Variants in DOCK1 observed in about 807,000 individuals in gnomAD.
DOCK1 encodes the protein dedicator of cytokinesis 1.
In DOCK1, 138 loss-of-function variants were observed where a neutral mutation model predicts 262.7. That is an observed-to-expected ratio of 0.53 (90% CI 0.46 to 0.61). The LOEUF is 0.61. DOCK1 is among the 20% of genes least tolerant of loss of function. The probability of loss-of-function intolerance (pLI) is 0.00; values close to 1 mark genes in which losing one functional copy is unlikely to be tolerated. For synonymous variants in DOCK1, 866 were observed against 867.4 expected (o/e 1.00, Z 0.03); for missense variants, 1,908 against 2,370.7 (o/e 0.80, Z 4.05).
intron 1 of DOCK1, among the ~76,000 whole-genome samples, chr10:126,946,411 G>T (rs2035408578): frequency 6.6e-6 from 1 of 152,124 alleles, no homozygotes; most frequent in Non-Finnish European, 1.5e-5. Flanking sequence ...GCTGGATGTG[G>T]TGGCGGGCAC....
chr10:127,087,142 G>T (rs1207467167), intron 23 of DOCK1, among the ~76,000 whole-genome samples: 2 of 152,146 alleles, frequency 1.3e-5, no homozygotes, highest in Admixed American at 6.5e-5. Context: ...AGAGCACCAG[G>T]TTTATTAAAT....
chr10:126,932,620 C>T (rs1221536087), intron 1 of DOCK1, among the ~76,000 whole-genome samples: 1 of 152,096 alleles, frequency 6.6e-6, no homozygotes, highest in Non-Finnish European at 1.5e-5. Context: ...GGAAACAAGG[C>T]CCAGCAGTGC....
At chr10:126,909,273 T>A (rs567673096) in intron 1 of DOCK1, among the ~76,000 whole-genome samples, 1 of 152,058 alleles carries the variant, frequency 6.6e-6, no homozygotes, top group Admixed American at 6.5e-5. Flanking sequence ...TTACAAAGAA[T>A]TGGATCCTGC....
At chr10:126,970,574 G>A in intron 1 of DOCK1, 128 bp from the exon 2 acceptor site, 1 of 673,528 alleles carries the variant, frequency 1.5e-6, no homozygotes, top group South Asian at 2.0e-5. Context: ...TATCAGAGAG[G>A]ATGATGCAGG....
rs563663469 is a variant in DOCK1 at position 127,112,082 on chromosome 10, G to C, written c.2623+1728G>C. ...GCTGGAGTGCAATGGCACAATCTCA[G>C]CTCCCTGCAACCTCCGCCTCCTGGG... On this transcript the variant is annotated intron_variant, in intron 25 of 51. Transcript: ENST00000623213. 1.0e-3 allele frequency among the ~76,000 whole-genome samples: 158 copies of C among 151,348 alleles called. 1 individual carries two copies. Among genetic ancestry groups the C allele is most frequent in the African/African-American group, 3.8e-3 (157 of 41,216 alleles).
At chr10:127,074,454 A>G (rs1388983277) in intron 23 of DOCK1, among the ~76,000 whole-genome samples, 3 of 152,194 alleles carry the variant, frequency 2.0e-5, no homozygotes, top group Admixed American at 6.5e-5. Context: ...CAGGCAATAT[A>G]GTTTTGATTA....
chr10:127,285,286 T>G (rs752041782), intron 29 of DOCK1, among the ~76,000 whole-genome samples: 1 of 152,250 alleles, frequency 6.6e-6, no homozygotes, highest in Non-Finnish European at 1.5e-5. Flanking sequence ...ATTTTAATTT[T>G]GATTAGATTT....
intron 29 of DOCK1, among the ~76,000 whole-genome samples, chr10:127,269,000 G>A (rs2060471625): frequency 3.9e-5 from 6 of 152,266 alleles, no homozygotes; most frequent in African/African-American, 1.4e-4. Context: ...ACCTCTCCCA[G>A]CCAGAGGCCA....
chr10:127,163,593 C>T (rs1345810912), intron 27 of DOCK1, among the ~76,000 whole-genome samples: 1 of 152,058 alleles, frequency 6.6e-6, no homozygotes, highest in Non-Finnish European at 1.5e-5. Flanking sequence ...TGATAACATG[C>T]CCTTTTGCTT....
In DOCK1 at chr10:127,090,001, T is replaced by G. The variant is rs565591269; in HGVS notation, c.2446-16230T>G. On this transcript the variant is annotated intron_variant, in intron 23 of 51. Transcript: ENST00000623213. ...TGTAAAATGTTTGTTGAGACACAGC[T>G]GAAGGATTGTTGAAAAGCAACTGTA... Among the ~76,000 whole-genome samples the G allele has an allele frequency of 3.9e-5, 6 of 152,316 alleles. No homozygotes were observed. The South Asian group carries it at 1.2e-3, about 32-fold the overall frequency.
At chr10:126,986,334 G>T (rs1337656156) in intron 4 of DOCK1, among the ~76,000 whole-genome samples, 1 of 152,064 alleles carries the variant, frequency 6.6e-6, no homozygotes, top group Non-Finnish European at 1.5e-5. Context: ...AGCCAGTCAG[G>T]GTTCCTTCCA....
intron 47 of DOCK1, 21 bp from the exon 48 acceptor site, chr10:127,433,260 TTC>T (rs1565088938): frequency 1.2e-6 from 2 of 1,610,302 alleles, no homozygotes; most frequent in East Asian, 4.5e-5. Context: ...ACAAGTCTCC[TTC>T]TCTCTCTTTC....
At chr10:127,450,034 A>G (rs541368349) in intron 51 of DOCK1, among the ~76,000 whole-genome samples, 1 of 152,234 alleles carries the variant, frequency 6.6e-6, no homozygotes, top group Admixed American at 6.5e-5. Flanking sequence ...TGGCTTTCAC[A>G]TGTAAACAAA....
intron 40 of DOCK1, among the ~76,000 whole-genome samples, chr10:127,406,771 T>C (rs1209607278): frequency 6.6e-6 from 1 of 152,278 alleles, no homozygotes; most frequent in East Asian, 1.9e-4. Flanking sequence ...GCAAAGTAAC[T>C]GACATTTTCA....
intron 10 of DOCK1, chr10:127,000,600 G>T: frequency 3.1e-6 from 1 of 317,634 alleles, no homozygotes. Flanking sequence ...AGGGAAGCCA[G>T]TCAGTGGAGG....
At chr10:127,373,629 TTC>T (rs967395883) in intron 33 of DOCK1, among the ~76,000 whole-genome samples, 150 bp from the exon 34 acceptor site, 2 of 151,996 alleles carry the variant, frequency 1.3e-5, no homozygotes, top group Non-Finnish European at 2.9e-5. Flanking sequence ...CCTCCAGGGG[TTC>T]TGTGTTGGCA....
At chr10:127,398,046 T>C (rs546538387) in intron 38 of DOCK1, among the ~76,000 whole-genome samples, 15 of 152,194 alleles carry the variant, frequency 9.9e-5, no homozygotes, top group Non-Finnish European at 1.0e-4. Context: ...GTGGCTCCAG[T>C]ATGACATTGA....
At chr10:127,282,829 T>C in intron 29 of DOCK1, among the ~76,000 whole-genome samples, 1 of 152,240 alleles carries the variant, frequency 6.6e-6, no homozygotes, top group East Asian at 1.9e-4. Context: ...TGGCAGCCTT[T>C]ATTTTTCAAA....
At chr10:126,949,785 C>A (rs1193435613) in intron 1 of DOCK1, among the ~76,000 whole-genome samples, 1 of 151,990 alleles carries the variant, frequency 6.6e-6, no homozygotes, top group East Asian at 1.9e-4. Flanking sequence ...GGTGATATTT[C>A]TTGTGACTTT....
Sources: gnomAD v4.1 joint callset for allele counts (sites outside exome capture counted in the v4.1 genomes callset) on GRCh38, gnomAD v4.1.1 for gene constraint, MANE v1.5 for transcripts, NCBI Gene and HGNC (gene_info 2026-07-23, HGNC 2026-07-21) for gene names.